Variants in RAPGEF6 observed in about 807,000 individuals in gnomAD.
RAPGEF6 encodes the protein PDZ domain containing guanine nucleotide exchange factor (GEF) 2.
A neutral mutation model predicts 171.4 loss-of-function variants in RAPGEF6; 56 were observed. That is an observed-to-expected ratio of 0.33 (90% CI 0.26 to 0.41). The LOEUF (loss-of-function observed/expected upper bound fraction) is 0.41. Ranked by LOEUF, RAPGEF6 falls within the 10% of genes least tolerant of loss-of-function variation. The pLI is 1.00. For missense variants in RAPGEF6, 1,674 were observed against 1,921.4 expected (o/e 0.87, Z 2.41); for synonymous variants, 692 against 650.1 (o/e 1.06, Z -0.98).
chr5:131,468,647 G>C (rs1754540853), intron 17 of RAPGEF6, among the ~76,000 whole-genome samples: 1 of 152,132 alleles, frequency 6.6e-6, no homozygotes. Flanking sequence ...TATTTATGAA[G>C]TGCCTGTTAT....
chr5:131,629,834 A>G (rs1766188436), intron 1 of RAPGEF6, among the ~76,000 whole-genome samples: 1 of 152,156 alleles, frequency 6.6e-6, no homozygotes, highest in Non-Finnish European at 1.5e-5. Flanking sequence ...AATTGCTGCA[A>G]TCTCATGATA....
chr5:131,573,566 AC>A (rs1351911983), intron 4 of RAPGEF6, among the ~76,000 whole-genome samples: 1 of 152,020 alleles, frequency 6.6e-6, no homozygotes, highest in African/African-American at 2.4e-5. Flanking sequence ...CTACGCAGAT[AC>A]CCACCGGCTT....
At chr5:131,482,763 AG>A (rs966558447) in intron 15 of RAPGEF6, among the ~76,000 whole-genome samples, 6 of 152,346 alleles carry the variant, frequency 3.9e-5, no homozygotes, top group African/African-American at 1.2e-4. Context: ...TTAAAACAGT[AG>A]GAAAGGGCAA....
chr5:131,597,660 TACCATAGAAGTGGAGTAG>T (rs1270600450), intron 3 of RAPGEF6, among the ~76,000 whole-genome samples: 20 of 152,110 alleles, frequency 1.3e-4, no homozygotes, highest in Admixed American at 1.2e-3. Flanking sequence ...AAAAAGTTGA[TACCATAGAAGTGGAGTAG>T]AACTGTGGTT....
intron 11 of RAPGEF6, among the ~76,000 whole-genome samples, chr5:131,503,217 G>A (rs1374968954): frequency 6.6e-6 from 1 of 152,192 alleles, no homozygotes; most frequent in Non-Finnish European, 1.5e-5. Flanking sequence ...TAGGAGTGAT[G>A]AGGCATCACA....
At chr5:131,597,016 T>C (rs917611564) in intron 3 of RAPGEF6, among the ~76,000 whole-genome samples, 2 of 151,736 alleles carry the variant, frequency 1.3e-5, no homozygotes, top group Admixed American at 6.6e-5. Flanking sequence ...ATCCAGAATA[T>C]ATAAAAAACT....
intron 1 of RAPGEF6, among the ~76,000 whole-genome samples, chr5:131,626,821 T>A (rs1185828908): frequency 6.6e-6 from 1 of 152,176 alleles, no homozygotes; most frequent in Non-Finnish European, 1.5e-5. Flanking sequence ...GGACAGTCCC[T>A]CTTTAACCTG....
At chr5:131,589,583 T>C (rs966731808) in intron 4 of RAPGEF6, among the ~76,000 whole-genome samples, 1 of 152,192 alleles carries the variant, frequency 6.6e-6, no homozygotes, top group Non-Finnish European at 1.5e-5. Flanking sequence ...CTGTGACAGT[T>C]ATTTACTGCC....
At chr5:131,605,824 A>G (rs1764525652) in intron 1 of RAPGEF6, among the ~76,000 whole-genome samples, 1 of 151,964 alleles carries the variant, frequency 6.6e-6, no homozygotes, top group South Asian at 2.1e-4. Context: ...AGGTCAGGAG[A>G]TCAAGACCAA....
intron 7 of RAPGEF6, among the ~76,000 whole-genome samples, chr5:131,513,226 C>T (rs981355672): frequency 1.3e-5 from 2 of 151,978 alleles, no homozygotes; most frequent in Admixed American, 1.3e-4. Flanking sequence ...TTCCAAAAAC[C>T]TTATTTATAT....
At chr5:131,542,795 A>G (rs1470279405) in intron 6 of RAPGEF6, among the ~76,000 whole-genome samples, 1 of 152,204 alleles carries the variant, frequency 6.6e-6, no homozygotes, top group Non-Finnish European at 1.5e-5. Flanking sequence ...GGAATTGTAT[A>G]TACAAGAGAT....
chr5:131,600,177 T>C (rs1764144080), intron 3 of RAPGEF6, among the ~76,000 whole-genome samples: 1 of 152,240 alleles, frequency 6.6e-6, no homozygotes, highest in Admixed American at 6.5e-5. Flanking sequence ...TGCTAAACTA[T>C]AATTAAATCT....
rs529455809 is a variant in RAPGEF6, at chr5:131,485,120, C to G, written c.1840+4426G>C. On this transcript the variant is annotated intron_variant, in intron 15 of 27. Transcript: ENST00000509018. ...TTTTAGTGTTTTGTAGAGACCAGGT[C>G]TCACTATGTTGCCCAGGCTGGTCTT... Among the ~76,000 whole-genome samples, 8 of 152,202 alleles carry G rather than the reference C, an allele frequency of 5.3e-5. No individual in the cohort carries two copies. The South Asian group carries it at 1.7e-3, about 32-fold the overall frequency.
At chr5:131,625,603 C>T (rs1171510973) in intron 1 of RAPGEF6, among the ~76,000 whole-genome samples, 3 of 152,036 alleles carry the variant, frequency 2.0e-5, no homozygotes, top group East Asian at 1.9e-4. Flanking sequence ...ATCACGAGGT[C>T]GGGAGATCGA....
intron 5 of RAPGEF6, among the ~76,000 whole-genome samples, chr5:131,552,457 G>T (rs910819371): frequency 2.8e-4 from 42 of 151,206 alleles, no homozygotes; most frequent in Non-Finnish European, 6.1e-4. Context: ...TTACAAAAAT[G>T]CAACTTTTTT....
chr5:131,510,187 A>C (rs1432975606), intron 8 of RAPGEF6, 127 bp downstream of exon 8: 9 of 1,055,898 alleles, frequency 8.5e-6, no homozygotes, highest in Middle Eastern at 3.0e-4. Flanking sequence ...TTTGACTCAC[A>C]AAAACTCTAA....
intron 4 of RAPGEF6, among the ~76,000 whole-genome samples, chr5:131,584,998 C>A (rs570779227): frequency 6.6e-6 from 1 of 152,042 alleles, no homozygotes; most frequent in Non-Finnish European, 1.5e-5. Context: ...TTAAGGGATA[C>A]TTTATTAAAG....
chr5:131,576,127 C>T (rs1246921077), intron 4 of RAPGEF6, among the ~76,000 whole-genome samples: 1 of 152,202 alleles, frequency 6.6e-6, no homozygotes, highest in African/African-American at 2.4e-5. Flanking sequence ...ACCTGAACCT[C>T]GTGACTGTAT....
In RAPGEF6 at chr5:131,494,972, C is replaced by T. The variant is rs1030022619; in HGVS notation, c.1527+581G>A. On this transcript the variant is annotated intron_variant, in intron 13 of 27. Transcript: ENST00000509018. The stretch of plus-strand genomic sequence containing the variant: ...ACACCAGGTTTATAAGCCTGAGTAA[C>T]TAAGAGATAAGAATGTCAATACAGA... 2.0e-5 allele frequency among the ~76,000 whole-genome samples: 3 copies of T among 151,982 alleles called. No individual in the cohort carries two copies. The South Asian group carries it at 6.2e-4, about 32-fold the overall frequency.
Sources: allele counts gnomAD v4.1 joint callset (sites outside exome capture counted in the v4.1 genomes callset), GRCh38; gene constraint gnomAD v4.1.1; transcripts MANE v1.5; gene names NCBI Gene and HGNC (gene_info 2026-07-23, HGNC 2026-07-21).